Variants in F13A1 observed in about 807,000 individuals in gnomAD.
The protein encoded by F13A1 is coagulation factor XIII A chain, also known as FSF, A subunit.
Under a neutral mutation model 80.1 loss-of-function variants are expected in F13A1, and 47 were observed. The ratio of observed to expected loss-of-function variants is 0.59; its 90% confidence interval spans 0.46 to 0.75. The LOEUF (loss-of-function observed/expected upper bound fraction) is 0.75. F13A1 is among the 30% of genes least tolerant of loss of function. The pLI is 0.00. For missense variants in F13A1, 817 were observed against 930.4 expected (o/e 0.88, Z 1.59); for synonymous variants, 349 against 344.9 (o/e 1.01, Z -0.13).
chr6:6,180,354 C>T (rs945185729), intron 11 of F13A1, among the ~76,000 whole-genome samples: 1 of 152,216 alleles, frequency 6.6e-6, no homozygotes, highest in African/African-American at 2.4e-5. Flanking sequence ...TCTCACCCAG[C>T]ACAGTGAGGG....
chr6:6,163,551 C>T (rs1384256908), intron 13 of F13A1, among the ~76,000 whole-genome samples: 4 of 152,184 alleles, frequency 2.6e-5, no homozygotes, highest in Middle Eastern at 3.2e-3. Flanking sequence ...TCCACATGTT[C>T]CCATCTTTTA....
intron 10 of F13A1, among the ~76,000 whole-genome samples, chr6:6,182,536 T>C (rs754327267): frequency 1.3e-5 from 2 of 152,160 alleles, no homozygotes; most frequent in Non-Finnish European, 2.9e-5. Flanking sequence ...GAAGAGGAAG[T>C]CTGCTAGGTG....
Position 6,224,373 on chromosome 6 carries a change from G to A in F13A1, c.973+313C>T, listed in dbSNP as rs3799546. On this transcript the variant is annotated intron_variant, in intron 7 of 14. Coordinates refer to ENST00000264870, the MANE Select transcript of F13A1 (RefSeq NM_000129.4). ...AACTGTTTTAGTTTTTTTAAAATGTGGTGGCTGAAAAGAAAATGGCTTTTT... is the reference window on the plus strand; with the variant it reads ...AACTGTTTTAGTTTTTTTAAAATGTAGTGGCTGAAAAGAAAATGGCTTTTT... Among the ~76,000 whole-genome samples, 11 of 114,408 alleles carry A rather than the reference G, an allele frequency of 9.6e-5. No individual in the cohort carries two copies. The East Asian group carries it at 1.7e-3, about 18-fold the overall frequency. The allele number at this position is 114,408 out of a possible 152,430, so 75.1% of individuals were successfully genotyped here.
Position 6,222,068 on chromosome 6 carries a change from C to T in F13A1, c.1077G>A (p.Gly359=), listed in dbSNP as rs1234055308. ...LQMDIFLEED[G]NVNSKLTKDS... The stretch of plus-strand genomic sequence containing the variant: ...CCTTGGTGAGTTTGGAATTCACGTT[C>T]CCATCTTCTTCCAGGAAGATGTCCA... Residue 359 remains glycine (G), a synonymous_variant, in exon 8 of 15, where the codon GGG becomes GGA. Transcript: ENST00000264870. 6.2e-7 allele frequency: 1 copy of T among 1,614,016 alleles called. No homozygotes were observed.
rs990278449 is a variant in F13A1 at position 6,320,626 on chromosome 6, T to A, written c.-58A>T. On this transcript the variant is annotated 5_prime_UTR_variant, in exon 1 of 15. Coordinates refer to ENST00000264870, the MANE Select transcript of F13A1 (RefSeq NM_000129.4). Reference sequence around the variant, plus strand: ...CTCCAGAGGTGCCCTCGCGTGGGCTTGCTCTGTGCGCCTCGGGGACTTCCT... The same window carrying A: ...CTCCAGAGGTGCCCTCGCGTGGGCTAGCTCTGTGCGCCTCGGGGACTTCCT... The A allele has an allele frequency of 4.3e-6, 2 of 470,386 alleles. No homozygotes were observed. The highest frequency in any genetic ancestry group is 8.8e-6 in the Non-Finnish European group (2 of 226,786). 29.1% of individuals were successfully genotyped at this position (470,386 alleles called of 1,614,324 possible). A position where few individuals can be genotyped will look rare whatever the true frequency, so the allele number is the denominator to read the frequency against.
At chr6:6,318,405 A>C in intron 2 of F13A1, 130 bp downstream of exon 2, 2 of 1,197,248 alleles carry the variant, frequency 1.7e-6, no homozygotes, top group Non-Finnish European at 2.3e-6. Context: ...TTATAAAACC[A>C]GAGATTGGCA....
chr6:6,304,860 CAAAAAAAA>C (rs10719492), intron 3 of F13A1, among the ~76,000 whole-genome samples: 1 of 103,240 alleles, frequency 9.7e-6, no homozygotes, highest in Non-Finnish European at 1.9e-5. Context: ...GACTCTGTCT[CAAAAAAAA>C]AAAAAAAAAA....
chr6:6,211,456 T>C (rs1761607366), intron 8 of F13A1, among the ~76,000 whole-genome samples: 1 of 152,258 alleles, frequency 6.6e-6, no homozygotes, highest in East Asian at 1.9e-4. Context: ...CAATGCATCA[T>C]GGGATATTTT....
intron 11 of F13A1, among the ~76,000 whole-genome samples, chr6:6,175,595 C>A (rs1760869522): frequency 6.6e-6 from 1 of 152,222 alleles, no homozygotes; most frequent in South Asian, 2.1e-4. Flanking sequence ...CCAGCGCCTC[C>A]TGGAGATGTT....
chr6:6,224,200 C>A (rs1173361718), intron 7 of F13A1, among the ~76,000 whole-genome samples: 2 of 152,012 alleles, frequency 1.3e-5, no homozygotes, highest in Non-Finnish European at 2.9e-5. Context: ...AATATGAGAC[C>A]ACCTGCTATA....
At chr6:6,188,217 A>AT (rs1337205936) in intron 10 of F13A1, among the ~76,000 whole-genome samples, 11 of 151,964 alleles carry the variant, frequency 7.2e-5, no homozygotes, top group South Asian at 4.2e-4. Flanking sequence ...TTGTGTCTGT[A>AT]TTCCTTCAGT....
intron 2 of F13A1, among the ~76,000 whole-genome samples, chr6:6,310,638 A>G (rs528150931): frequency 8.5e-5 from 13 of 152,180 alleles, no homozygotes; most frequent in Non-Finnish European, 1.5e-4. Flanking sequence ...CAAGTTACAT[A>G]AATGTCCTGT....
chr6:6,149,367 A>G (rs1008267664), intron 14 of F13A1, among the ~76,000 whole-genome samples: 1 of 152,196 alleles, frequency 6.6e-6, no homozygotes, highest in Non-Finnish European at 1.5e-5. Flanking sequence ...AAAAAACTTA[A>G]AAAGAGAGAT....
intron 3 of F13A1, among the ~76,000 whole-genome samples, chr6:6,281,151 G>A (rs1332274245): frequency 3.3e-5 from 5 of 152,346 alleles, no homozygotes; most frequent in Admixed American, 3.3e-4. Context: ...TTGCTAAAAT[G>A]TTAATGTCTA....
chr6:6,293,592 C>A (rs1758263553), intron 3 of F13A1, among the ~76,000 whole-genome samples: 1 of 151,974 alleles, frequency 6.6e-6, no homozygotes, highest in Non-Finnish European at 1.5e-5. Flanking sequence ...CAAAGAACCC[C>A]TGCAGCACAG....
At position 6,198,654 on chromosome 6, in the gene F13A1, AC is replaced by A. The variant is rs550077575; in HGVS notation, c.1113-1329del. 2.5e-3 allele frequency among the ~76,000 whole-genome samples: 388 copies of A among 152,290 alleles called. 2 individuals carry two copies. The highest frequency in any genetic ancestry group is 4.1e-3 in the Non-Finnish European group (280 of 68,014). On this transcript the variant is annotated intron_variant, in intron 8 of 14. Transcript: ENST00000264870. ...AGAGATGATCAAAACATAGATTCTT[AC>A]CCATAAAGGGTAATCTTCTAGGAGA...
Position 6,174,723 on chromosome 6 carries a change from T to G in F13A1, c.1604A>C (p.Lys535Thr). The change falls in exon 12 of 15, where the codon AAG (lysine) becomes ACG (threonine). Residue 535 changes from lysine to threonine, a missense_variant. By Grantham distance (78) the Lys-to-Thr change is moderately conservative (BLOSUM62 -1). Coordinates refer to ENST00000264870, the MANE Select transcript of F13A1 (RefSeq NM_000129.4). Reference sequence around the variant, plus strand: ...GTTGTTCCGGAAGGTGATGGAGAGCTTGAAGTCTTTTCCCAGCACAGCATT... The same window carrying G: ...GTTGTTCCGGAAGGTGATGGAGAGCGTGAAGTCTTTTCCCAGCACAGCATT... Reference protein sequence around the residue: ...VENAVLGKDFKLSITFRNNSH... With the variant: ...VENAVLGKDFTLSITFRNNSH... 6.2e-7 allele frequency: 1 copy of G among 1,614,122 alleles called. No individual in the cohort carries two copies. Among genetic ancestry groups the G allele is most frequent in the Non-Finnish European group, 8.5e-7 (1 of 1,180,020 alleles).
intron 7 of F13A1, 75 bp downstream of exon 7, chr6:6,224,611 G>T: frequency 7.1e-7 from 1 of 1,400,062 alleles, no homozygotes; most frequent in Non-Finnish European, 1.0e-6. Context: ...ATGTCTCTTT[G>T]TTAGGTTATA....
chr6:6,305,609 C>T lies in F13A1; in HGVS notation c.131-70G>A. The T allele has an allele frequency of 2.6e-6, 4 of 1,535,132 alleles. No homozygotes were observed. The Admixed American group carries it at 5.2e-5, about 20-fold the overall frequency. On this transcript the variant is annotated intron_variant, in intron 2 of 14. Transcript: ENST00000264870. ...TTTAGTTTAAACATAAACTCAAAAA[C>T]AAGATTATTTTCCCTGAAGAAGGCA...
Sources: allele counts gnomAD v4.1 joint callset (sites outside exome capture counted in the v4.1 genomes callset), GRCh38; gene constraint gnomAD v4.1.1; transcripts MANE v1.5; gene names NCBI Gene and HGNC (gene_info 2026-07-23, HGNC 2026-07-21).